PITRM1: variants seen among roughly 807,000 people sequenced by gnomAD.
The protein encoded by PITRM1 is pitrilysin metallopeptidase 1, also known as presequence protease, mitochondrial.
Under a neutral mutation model 129.9 loss-of-function variants are expected in PITRM1, and 100 were observed. The observed-to-expected ratio is 0.77, with a 90% CI of 0.65 to 0.91. The LOEUF is 0.91. Ranked by LOEUF, PITRM1 falls within the 40% of genes least tolerant of loss-of-function variation. The pLI is 0.00. For missense variants in PITRM1, 1,471 were observed against 1,318.3 expected (o/e 1.12, Z -1.79); for synonymous variants, 591 against 508.8 (o/e 1.16, Z -2.17).
chr10:3,142,666 A>G (rs916453480), intron 23 of PITRM1, among the ~76,000 whole-genome samples: 1 of 152,206 alleles, frequency 6.6e-6, no homozygotes, highest in Non-Finnish European at 1.5e-5. Context: ...CCCTCGCCCC[A>G]CGCCACTTTG....
At chr10:3,147,444 T>G (rs1841007820) in intron 19 of PITRM1, 128 bp downstream of exon 19, 3 of 1,157,274 alleles carry the variant, frequency 2.6e-6, no homozygotes, top group Admixed American at 1.8e-5. Context: ...CAACCAATTC[T>G]TCCCCATATT....
intron 8 of PITRM1, 42 bp from the exon 9 acceptor site, chr10:3,159,978 C>G: frequency 5.0e-6 from 7 of 1,388,428 alleles, no homozygotes; most frequent in Non-Finnish European, 7.1e-6. Flanking sequence ...CAGTGTCTGA[C>G]GGTTGTCAAC....
At chr10:3,155,822 C>T in intron 13 of PITRM1, 93 bp from the exon 14 acceptor site, 1 of 1,412,434 alleles carries the variant, frequency 7.1e-7, no homozygotes, top group Non-Finnish European at 9.7e-7. Flanking sequence ...TGTTCTTGGT[C>T]CTGTGGTTCC....
intron 1 of PITRM1, among the ~76,000 whole-genome samples, chr10:3,171,067 C>T (rs985933203): frequency 1.4e-5 from 2 of 143,570 alleles, no homozygotes; most frequent in East Asian, 2.1e-4. Context: ...AATGTCAGCA[C>T]GAACCCTGAC....
chr10:3,152,413 T>TCCCC (rs973612041), intron 14 of PITRM1, among the ~76,000 whole-genome samples: 2 of 152,122 alleles, frequency 1.3e-5, no homozygotes, highest in African/African-American at 4.8e-5. Flanking sequence ...TGGGCTGACC[T>TCCCC]CCCCCATGTT....
intron 14 of PITRM1, among the ~76,000 whole-genome samples, chr10:3,153,280 A>G (rs1841676989): frequency 6.6e-6 from 1 of 152,256 alleles, no homozygotes; most frequent in Admixed American, 6.5e-5. Flanking sequence ...ACGAATATGA[A>G]GTAATTTAGG....
chr10:3,155,454 C>T lies in PITRM1; in HGVS notation c.1621+137G>A, dbSNP rs541678151. On this transcript the variant is annotated intron_variant, in intron 14 of 26. Transcript: ENST00000224949. ...CTGAGAATATCTGAACTCAATGCAT[C>T]GAACGTGAGCTCTGTTGGCGCCCAG... 15 of 1,019,530 alleles carry T rather than the reference C, an allele frequency of 1.5e-5. 1 individual carries two copies. Among genetic ancestry groups the T allele is most frequent in the African/African-American group, 1.4e-4 (9 of 62,744 alleles). The allele number at this position is 1,019,530 out of a possible 1,614,324, so 63.2% of individuals were successfully genotyped here. A position where few individuals can be genotyped will look rare whatever the true frequency, so the allele number is the denominator to read the frequency against.
At position 3,166,263 on chromosome 10, in the gene PITRM1, G is replaced by T. The variant is rs1842851933; in HGVS notation, c.384C>A (p.Asn128Lys). The T allele has an allele frequency of 1.3e-5, 21 of 1,608,480 alleles. 1 individual carries two copies. The highest frequency in any genetic ancestry group is 1.8e-5 in the Non-Finnish European group (21 of 1,177,420). ...PCRDPFFKML[N>K]RSLSTFMNAF... ...CGTTCATGAACGTGGAGAGGGACCG[G>T]TTCAACATTTTGAAGAAAGGGTCTC... The change falls in exon 4 of 27, where the codon AAC becomes AAA. Residue 128 changes from asparagine to lysine, a missense_variant. By Grantham distance (94) the Asn-to-Lys change is moderately conservative (BLOSUM62 0). Transcript: ENST00000224949.
Position 3,166,391 on chromosome 10 carries a change from A to AATGGCACGCTAGGGAAGGC in PITRM1, c.267-12_267-11insGCCTTCCCTAGCGTGCCAT. 2.2e-6 allele frequency: 3 copies of AATGGCACGCTAGGGAAGGC among 1,394,880 alleles called. No homozygotes were observed. Among genetic ancestry groups the AATGGCACGCTAGGGAAGGC allele is most frequent in the South Asian group, 1.2e-5 (1 of 82,050 alleles). 86.4% of individuals were successfully genotyped at this position (1,394,880 alleles called of 1,614,324 possible). A position where few individuals can be genotyped will look rare whatever the true frequency, so the allele number is the denominator to read the frequency against. On this transcript the variant is annotated splice_polypyrimidine_tract_variant and intron_variant, in intron 3 of 26. Transcript: ENST00000224949. The stretch of plus-strand genomic sequence containing the variant: ...GTACGGAACTGCACGCTAGGGAAGG[A>AATGGCACGCTAGGGAAGGC]GAATGACCAGAACGCAAAAGGTTCA...
intron 13 of PITRM1, among the ~76,000 whole-genome samples, chr10:3,156,688 TACAC>T (rs534019902): frequency 2.8e-3 from 419 of 148,242 alleles, no homozygotes; most frequent in Non-Finnish European, 4.9e-3. Flanking sequence ...GTTTTGTTCA[TACAC>T]ACAAACATAC....
intron 3 of PITRM1, 57 bp downstream of exon 3, chr10:3,166,879 A>G: frequency 9.6e-7 from 1 of 1,046,396 alleles, no homozygotes. Flanking sequence ...AAAAGAATGG[A>G]CATTCCTGAT....
intron 2 of PITRM1, chr10:3,167,719 A>C (rs1004986239): frequency 6.6e-6 from 1 of 152,344 alleles, no homozygotes; most frequent in Non-Finnish European, 1.5e-5. Flanking sequence ...TTCTGTGCAT[A>C]TCATCTCCTG....
intron 2 of PITRM1, among the ~76,000 whole-genome samples, chr10:3,168,306 G>A (rs531767657): frequency 1.2e-4 from 18 of 152,328 alleles, no homozygotes; most frequent in African/African-American, 3.6e-4. Flanking sequence ...GATGATCAAT[G>A]CTTTTGAAGT....
chr10:3,139,443 C>T (rs1347655669), intron 24 of PITRM1, among the ~76,000 whole-genome samples: 2 of 152,178 alleles, frequency 1.3e-5, no homozygotes, highest in Admixed American at 1.3e-4. Flanking sequence ...TGAAGACACA[C>T]CCAGGGTAGT....
chr10:3,144,819 T>TA (rs931086795), intron 21 of PITRM1, among the ~76,000 whole-genome samples: 2 of 151,808 alleles, frequency 1.3e-5, no homozygotes, highest in Admixed American at 1.3e-4. Flanking sequence ...TAACAAAAAC[T>TA]AAAAAAAGAA....
At chr10:3,141,332 C>CCAG (rs1840177124) in intron 23 of PITRM1, among the ~76,000 whole-genome samples, 1 of 152,174 alleles carries the variant, frequency 6.6e-6, no homozygotes, top group Admixed American at 6.5e-5. Flanking sequence ...CTTAACACTT[C>CCAG]CAGCACCACA....
At chr10:3,143,339 G>A (rs759112454) in intron 23 of PITRM1, 50 bp downstream of exon 23, 11 of 1,167,560 alleles carry the variant, frequency 9.4e-6, no homozygotes, top group South Asian at 3.7e-5. Context: ...GCCTTGACAA[G>A]CTCTTCCGTA....
intron 6 of PITRM1, 165 bp from the exon 7 acceptor site, chr10:3,164,050 G>T: frequency 2.5e-6 from 1 of 399,234 alleles, no homozygotes. Context: ...CACCCACGCA[G>T]GCATTGTTTA....
intron 25 of PITRM1, chr10:3,138,552 G>C: frequency 1.6e-6 from 1 of 608,798 alleles, no homozygotes; most frequent in East Asian, 2.8e-5. Context: ...CTGCAGCAGG[G>C]ATGCAGTCAG....
Sources: allele counts gnomAD v4.1 joint callset (sites outside exome capture counted in the v4.1 genomes callset), GRCh38; gene constraint gnomAD v4.1.1; transcripts MANE v1.5; gene names NCBI Gene and HGNC (gene_info 2026-07-23, HGNC 2026-07-21).